The following AP1B1 variants were observed in gnomAD, a reference collection of about 807,000 sequenced individuals.
The protein encoded by AP1B1 is adaptor related protein complex 1 subunit beta 1, also known as AP-1 complex subunit beta-1.
In AP1B1, 36 loss-of-function variants were observed where a neutral mutation model predicts 104.3. The observed-to-expected ratio is 0.35, with a 90% CI of 0.26 to 0.46. AP1B1 has a LOEUF of 0.46. AP1B1 is among the 20% of genes least tolerant of loss of function. The pLI is 1.00. For synonymous variants in AP1B1, 504 were observed against 517.5 expected (o/e 0.97, Z 0.35); for missense variants, 901 against 1,247.9 (o/e 0.72, Z 4.19).
intron 21 of AP1B1, 113 bp from the exon 22 acceptor site, chr22:29,329,833 A>G (rs1007325520): frequency 2.6e-6 from 4 of 1,544,304 alleles, no homozygotes; most frequent in East Asian, 2.3e-5. Flanking sequence ...CACTGCCAGC[A>G]GGACCCAGGA....
At chr22:29,344,873 A>T (rs2061768569) in intron 11 of AP1B1, among the ~76,000 whole-genome samples, 1 of 152,020 alleles carries the variant, frequency 6.6e-6, no homozygotes, top group Non-Finnish European at 1.5e-5. Context: ...CAAGGATGAG[A>T]AGATTCAACA....
chr22:29,350,176 C>T (rs375289576), intron 9 of AP1B1, 26 bp from the exon 10 acceptor site: 48 of 1,590,016 alleles, frequency 3.0e-5, no homozygotes, highest in South Asian at 8.8e-5. Context: ...AGAGTGTGGG[C>T]GAGGTCCCCG....
chr22:29,344,842 T>G (rs1172907076), intron 11 of AP1B1, among the ~76,000 whole-genome samples: 1 of 151,978 alleles, frequency 6.6e-6, no homozygotes, highest in Admixed American at 6.6e-5. Flanking sequence ...CTGCTGTCCA[T>G]GGCTAGAGAG....
chr22:29,379,631 AG>A (rs954248522), intron 1 of AP1B1, among the ~76,000 whole-genome samples: 4 of 152,192 alleles, frequency 2.6e-5, no homozygotes, highest in African/African-American at 9.6e-5. Flanking sequence ...AAAGGACTGC[AG>A]GGGAACGGCA....
At chr22:29,339,853 CAA>C (rs1159822391) in intron 14 of AP1B1, 79 bp from the exon 15 acceptor site, 11 of 1,451,580 alleles carry the variant, frequency 7.6e-6, no homozygotes, top group South Asian at 1.2e-5. Flanking sequence ...GACAGAGAAA[CAA>C]GAGAGAGAAG....
In AP1B1 at chr22:29,354,641, C is replaced by G; in HGVS notation, c.938+9G>C. On this transcript the variant is annotated intron_variant, in intron 7 of 22. Transcript: ENST00000357586. ...GTACGCATGGACGTGCGTGTGGTGA[C>G]CTCAGTACCTTTTCTGCACGATGAG... 6.2e-7 allele frequency: 1 copy of G among 1,613,676 alleles called. No individual in the cohort carries two copies. Among genetic ancestry groups the G allele is most frequent in the African/African-American group, 1.3e-5 (1 of 74,994 alleles).
intron 1 of AP1B1, among the ~76,000 whole-genome samples, chr22:29,368,871 G>A (rs1337019024): frequency 1.3e-5 from 2 of 151,838 alleles, no homozygotes; most frequent in Non-Finnish European, 2.9e-5. Context: ...AAGTTGCAGT[G>A]AGCTGAGACT....
chr22:29,383,236 C>A (rs2062465500), intron 1 of AP1B1, among the ~76,000 whole-genome samples: 1 of 152,170 alleles, frequency 6.6e-6, no homozygotes, highest in Non-Finnish European at 1.5e-5. Context: ...GCAATGAAGA[C>A]CACCACAGCA....
chr22:29,329,867 C>T lies in AP1B1; in HGVS notation c.2767-147G>A, dbSNP rs950479784. The T allele has an allele frequency of 2.1e-5, 31 of 1,488,048 alleles. 1 individual carries two copies. Among genetic ancestry groups the T allele is most frequent in the South Asian group, 4.1e-5 (3 of 73,546 alleles). 92.2% of individuals were successfully genotyped at this position (1,488,048 alleles called of 1,614,324 possible). ...GAGGGGCAGTGTCTGGAGGGCCATG[C>T]CTGCCAGAGACTCAGGGGTGTGGGG... is the stretch of plus-strand genomic sequence containing the variant. On this transcript the variant is annotated intron_variant, in intron 21 of 22. Transcript: ENST00000357586.
chr22:29,383,082 G>A (rs1324767223), intron 1 of AP1B1, among the ~76,000 whole-genome samples: 1 of 152,126 alleles, frequency 6.6e-6, no homozygotes, highest in Non-Finnish European at 1.5e-5. Context: ...TCTGAAGCCT[G>A]AAGCCATATC....
chr22:29,330,322 T>C, intron 21 of AP1B1, 56 bp downstream of exon 21: 2 of 1,604,418 alleles, frequency 1.2e-6, no homozygotes, highest in Non-Finnish European at 1.7e-6. Context: ...GGCCACCCCC[T>C]GGCATGGGAC....
At chr22:29,370,407 C>G (rs1419560320) in intron 1 of AP1B1, 1 of 146,900 alleles carries the variant, frequency 6.8e-6, no homozygotes, top group Non-Finnish European at 1.5e-5. Context: ...GAGCTGAGAT[C>G]GTGCCACTGC....
chr22:29,331,222 G>A (rs1468957486), intron 19 of AP1B1, among the ~76,000 whole-genome samples: 1 of 152,156 alleles, frequency 6.6e-6, no homozygotes, highest in Non-Finnish European at 1.5e-5. Context: ...CTGGGAGTGG[G>A]GTGAGTTCCA....
chr22:29,337,016 T>C (rs954724770), intron 16 of AP1B1, among the ~76,000 whole-genome samples: 1 of 152,192 alleles, frequency 6.6e-6, no homozygotes, highest in African/African-American at 2.4e-5. Flanking sequence ...CCTCATGCCT[T>C]GGTGCAGCTA....
intron 1 of AP1B1, among the ~76,000 whole-genome samples, chr22:29,387,522 G>A (rs551302386): frequency 4.7e-4 from 71 of 151,790 alleles, no homozygotes; most frequent in Non-Finnish European, 9.0e-4. Flanking sequence ...TGGTCAGGCT[G>A]GTCTTGAACT....
intron 5 of AP1B1, 146 bp from the exon 6 acceptor site, chr22:29,356,762 C>T (rs2061965095): frequency 2.9e-6 from 2 of 700,652 alleles, no homozygotes; most frequent in Admixed American, 2.9e-5. Flanking sequence ...CAACGAGACC[C>T]ACTCCAAGCA....
intron 1 of AP1B1, among the ~76,000 whole-genome samples, chr22:29,383,119 C>T (rs2062463280): frequency 6.6e-6 from 1 of 152,096 alleles, no homozygotes; most frequent in South Asian, 2.1e-4. Context: ...CAGCATAGGC[C>T]AGCACCAGGC....
intron 3 of AP1B1, among the ~76,000 whole-genome samples, chr22:29,361,839 G>C (rs5763159): frequency 4.6e-5 from 7 of 151,984 alleles, no homozygotes; most frequent in Middle Eastern, 3.4e-3. Flanking sequence ...CTGTTGCCCA[G>C]GCTGGAGTGC....
At chr22:29,349,722 G>A (rs1421490186) in intron 10 of AP1B1, among the ~76,000 whole-genome samples, 2 of 152,024 alleles carry the variant, frequency 1.3e-5, no homozygotes, top group African/African-American at 4.8e-5. Context: ...CACTATGTTG[G>A]CTAGACTAGT....
Sources: gnomAD v4.1 joint callset for allele counts (sites outside exome capture counted in the v4.1 genomes callset) on GRCh38, gnomAD v4.1.1 for gene constraint, MANE v1.5 for transcripts, NCBI Gene and HGNC (gene_info 2026-07-23, HGNC 2026-07-21) for gene names.